The following SLC25A25 variants were observed in gnomAD, a reference collection of about 807,000 sequenced individuals.
SLC25A25 encodes solute carrier family 25 member 25.
Under a neutral mutation model 57.7 loss-of-function variants are expected in SLC25A25, and 32 were observed. The observed-to-expected ratio is 0.55, with a 90% CI of 0.42 to 0.74. The LOEUF is 0.74. Ranked by LOEUF, SLC25A25 falls within the 30% of genes least tolerant of loss-of-function variation. The pLI is 0.00. For synonymous variants in SLC25A25, 306 were observed against 291.2 expected (o/e 1.05, Z -0.52); for missense variants, 556 against 701.3 (o/e 0.79, Z 2.34).
chr9:128,068,584 G>A lies in SLC25A25; in HGVS notation c.261+4G>A. On this transcript the variant is annotated splice_donor_region_variant and intron_variant, in intron 1 of 10. Coordinates refer to ENST00000373069, the MANE Select transcript of SLC25A25 (RefSeq NM_001330988.2). ...CCGCACCGAGGGCGAGCTCCAGGTA[G>A]GCTGCGCGCGTCCTCAGCACTGGCG... is the stretch of plus-strand genomic sequence containing the variant. 1 of 1,415,206 alleles carries A rather than the reference G, an allele frequency of 7.1e-7. No individual in the cohort carries two copies. The highest frequency in any genetic ancestry group is 9.2e-7 in the Non-Finnish European group (1 of 1,087,824). The allele number at this position is 1,415,206 out of a possible 1,614,324, so 87.7% of individuals were successfully genotyped here. A position where few individuals can be genotyped will look rare whatever the true frequency, so the allele number is the denominator to read the frequency against.
intron 1 of SLC25A25, among the ~76,000 whole-genome samples, chr9:128,071,503 G>A (rs1832907039): frequency 6.6e-6 from 1 of 151,730 alleles, no homozygotes; most frequent in Non-Finnish European, 1.5e-5. Context: ...TGCCTCCTGG[G>A]TTCAAGTGAT....
chr9:128,087,950 A>G (rs2130798565), intron 1 of SLC25A25, among the ~76,000 whole-genome samples: 1 of 152,304 alleles, frequency 6.6e-6, no homozygotes, highest in Admixed American at 6.5e-5. Context: ...TACAATTATG[A>G]TAATTTTGAA....
intron 1 of SLC25A25, among the ~76,000 whole-genome samples, chr9:128,075,276 C>T (rs1832986162): frequency 6.6e-6 from 1 of 151,168 alleles, no homozygotes; most frequent in Admixed American, 6.6e-5. Flanking sequence ...CACTGCACTT[C>T]AGCCTGGGCA....
intron 1 of SLC25A25, among the ~76,000 whole-genome samples, chr9:128,071,033 G>A (rs943371796): frequency 2.6e-5 from 4 of 151,814 alleles, no homozygotes; most frequent in African/African-American, 9.7e-5. Context: ...TTCTGCTTTT[G>A]TGAACCTACC....
At chr9:128,079,201 A>G (rs1370759739) in intron 1 of SLC25A25, among the ~76,000 whole-genome samples, 1 of 152,106 alleles carries the variant, frequency 6.6e-6, no homozygotes, top group Non-Finnish European at 1.5e-5. Context: ...CTGCAGGGTC[A>G]GTGGGGAAAC....
intron 1 of SLC25A25, among the ~76,000 whole-genome samples, chr9:128,092,308 G>A (rs370152129): frequency 6.6e-6 from 1 of 152,344 alleles, no homozygotes; most frequent in South Asian, 2.1e-4. Context: ...CAGTGTGGCT[G>A]TTGAGGGAAG....
chr9:128,079,603 CAAAAAAAA>C lies in SLC25A25; in HGVS notation c.261+11040_261+11047del, dbSNP rs531439672. On this transcript the variant is annotated intron_variant, in intron 1 of 10. Transcript: ENST00000373069. The stretch of plus-strand genomic sequence containing the variant: ...CAAAACCTTGTCTCTACTAAAAATA[CAAAAAAAA>C]AAAAAAAAAAAAAAAATTAGCCGGG... Among the ~76,000 whole-genome samples, 194 of 48,044 alleles carry C rather than the reference CAAAAAAAA, an allele frequency of 4.0e-3. 2 individuals carry two copies. Among genetic ancestry groups the C allele is most frequent in the African/African-American group, 0.01 (157 of 15,428 alleles). The allele number at this position is 48,044 out of a possible 152,430, so 31.5% of individuals were successfully genotyped here.
At chr9:128,106,123 A>T (rs1345213212) in intron 7 of SLC25A25, 27 bp from the exon 8 acceptor site, 2 of 1,613,494 alleles carry the variant, frequency 1.2e-6, no homozygotes, top group South Asian at 2.2e-5. Flanking sequence ...TGGGTATATC[A>T]GGTGGTTTGT....
chr9:128,078,142 T>G lies in SLC25A25; in HGVS notation c.261+9562T>G, dbSNP rs550733422. ...ACTCACCCTCTCCAAGTCTGTTTCCTTATCAGAAACTTGTTGGTATGAGGA... is the reference window on the plus strand; with the variant it reads ...ACTCACCCTCTCCAAGTCTGTTTCCGTATCAGAAACTTGTTGGTATGAGGA... On this transcript the variant is annotated intron_variant, in intron 1 of 10. Coordinates refer to ENST00000373069, the MANE Select transcript of SLC25A25 (RefSeq NM_001330988.2). Among the ~76,000 whole-genome samples, 26 of 152,226 alleles carry G rather than the reference T, an allele frequency of 1.7e-4. No homozygotes were observed. In the East Asian group the frequency reaches 5.0e-3, roughly 29 times the overall value.
At chr9:128,080,109 T>C (rs1489707944) in intron 1 of SLC25A25, among the ~76,000 whole-genome samples, 1 of 151,748 alleles carries the variant, frequency 6.6e-6, no homozygotes, top group Non-Finnish European at 1.5e-5. Flanking sequence ...CTTATGCCTG[T>C]AATCCCAGCA....
At position 128,107,475 on chromosome 9, in the gene SLC25A25, C is replaced by T; in HGVS notation, c.*31C>T. On this transcript the variant is annotated 3_prime_UTR_variant, in exon 11 of 11. Transcript: ENST00000373069. The stretch of plus-strand genomic sequence containing the variant: ...GGAGGGCCGCCCGGCAGTGGACTCG[C>T]TGATCCTGGGCCGCAGCCTGGGGTG... The T allele has an allele frequency of 6.6e-7, 1 of 1,504,652 alleles. No individual in the cohort carries two copies. The highest frequency in any genetic ancestry group is 1.4e-5 in the African/African-American group (1 of 71,618). 93.2% of individuals were successfully genotyped at this position (1,504,652 alleles called of 1,614,324 possible).
At chr9:128,072,475 C>A (rs768927048) in intron 1 of SLC25A25, among the ~76,000 whole-genome samples, 10 of 152,180 alleles carry the variant, frequency 6.6e-5, no homozygotes, top group Non-Finnish European at 1.5e-4. Flanking sequence ...GATGGGTAAA[C>A]CCAGGCCATG....
At position 128,101,264 on chromosome 9, in the gene SLC25A25, CCT is replaced by C. The variant is rs765852871; in HGVS notation, c.389-43_389-42del. 6.5e-5 allele frequency: 105 copies of C among 1,614,220 alleles called. 2 individuals are homozygous for C. The South Asian group carries it at 1.1e-3, about 16-fold the overall frequency. The stretch of plus-strand genomic sequence containing the variant: ...GAGCTGTGGCCGGTCCAGCCTCGGG[CCT>C]CCCCGTGCGCCTGGCTCCTGCTCAC... On this transcript the variant is annotated intron_variant, in intron 2 of 10. Transcript: ENST00000373069. This position sits in a 1 kb window ranked among gnomAD's most constrained non-coding sequence, Gnocchi z 4.9.
At chr9:128,084,853 A>G (rs1199227537) in intron 1 of SLC25A25, among the ~76,000 whole-genome samples, 1 of 152,204 alleles carries the variant, frequency 6.6e-6, no homozygotes, top group African/African-American at 2.4e-5. Context: ...TTCTGCAGGT[A>G]TTAACCTCCT....
Position 128,107,154 on chromosome 9 carries a change from A to T in SLC25A25, c.1338A>T (p.Leu446=). 1 of 1,613,900 alleles carries T rather than the reference A, an allele frequency of 6.2e-7. No individual in the cohort carries two copies. The highest frequency in any genetic ancestry group is 8.5e-7 in the Non-Finnish European group (1 of 1,180,018). The change falls in exon 10 of 11, where the codon CTA becomes CTT. Residue 446 remains leucine, a synonymous_variant. Transcript: ENST00000373069. The part of the protein sequence containing the change: ...CGQLASYPLA[L]VRTRMQAQAS... Reference sequence around the variant, plus strand: ...AGCTGGCCAGCTACCCCCTGGCCCTAGTCAGGACCCGGATGCAGGCGCAAG... The same window carrying T: ...AGCTGGCCAGCTACCCCCTGGCCCTTGTCAGGACCCGGATGCAGGCGCAAG...
intron 1 of SLC25A25, among the ~76,000 whole-genome samples, chr9:128,093,478 T>TC (rs903059378): frequency 2.6e-5 from 4 of 152,160 alleles, no homozygotes; most frequent in Non-Finnish European, 5.9e-5. Context: ...TTGCCAGCTC[T>TC]CCCCCCAGGG....
At chr9:128,107,220 A>G (rs4837239) in intron 10 of SLC25A25, 40 bp from the exon 11 acceptor site, 1 of 1,612,514 alleles carries the variant, frequency 6.2e-7, no homozygotes. Flanking sequence ...GGTCGGGGGG[A>G]GCGGACAGAA....
intron 7 of SLC25A25, 60 bp downstream of exon 7, chr9:128,105,941 C>T (rs547287141): frequency 2.0e-4 from 319 of 1,585,304 alleles, no homozygotes; most frequent in Admixed American, 4.8e-4. Context: ...CCTGGACTTG[C>T]TGGCTTTCCC....
At chr9:128,069,016 G>T (rs766091710) in intron 1 of SLC25A25, among the ~76,000 whole-genome samples, 2 of 152,092 alleles carry the variant, frequency 1.3e-5, no homozygotes, top group Non-Finnish European at 2.9e-5. Flanking sequence ...TTCCTCTCAG[G>T]AACATGTGGG....
Sources: gnomAD v4.1 joint callset for allele counts (sites outside exome capture counted in the v4.1 genomes callset) on GRCh38, gnomAD v4.1.1 for gene constraint, Gnocchi (gnomAD v3.1) non-coding constraint, MANE v1.5 for transcripts, NCBI Gene and HGNC (gene_info 2026-07-23, HGNC 2026-07-21) for gene names.